The following IQCM variants were observed in gnomAD, a reference collection of about 807,000 sequenced individuals.
IQCM encodes the protein IQ domain-containing protein M.
A neutral mutation model predicts 57.6 loss-of-function variants in IQCM; 45 were observed. The observed-to-expected ratio is 0.78, with a 90% confidence interval of 0.62 to 1.00. The LOEUF is 1.00. Ranked by LOEUF, IQCM falls within the 50% of genes least tolerant of loss-of-function variation. The pLI is 0.00. For missense variants in IQCM, 468 were observed against 511.6 expected (o/e 0.91, Z 0.82); for synonymous variants, 148 against 158.9 (o/e 0.93, Z 0.51).
intron 9 of IQCM, among the ~76,000 whole-genome samples, chr4:149,582,561 G>C (rs998194517): frequency 1.3e-5 from 2 of 150,766 alleles, no homozygotes; most frequent in South Asian, 4.2e-4. Context: ...TGAATCCCTG[G>C]ATTTTGCAAA....
At chr4:149,770,974 G>T (rs1187291867) in intron 2 of IQCM, among the ~76,000 whole-genome samples, 3 of 151,952 alleles carry the variant, frequency 2.0e-5, no homozygotes, top group African/African-American at 7.2e-5. Context: ...ATCTGGACTG[G>T]CAAGGAAGGA....
At chr4:149,650,456 G>A (rs966986196) in intron 7 of IQCM, among the ~76,000 whole-genome samples, 2 of 146,920 alleles carry the variant, frequency 1.4e-5, no homozygotes, top group Admixed American at 1.4e-4. Flanking sequence ...GCAGTGGCGT[G>A]ATCTTGGTTC....
chr4:149,718,738 G>A (rs985162030), intron 5 of IQCM, among the ~76,000 whole-genome samples: 8 of 152,042 alleles, frequency 5.3e-5, no homozygotes, highest in Admixed American at 3.3e-4. Context: ...AGCTTCTGGC[G>A]ACTGCCAGAC....
chr4:149,701,185 G>A (rs1429507897), intron 5 of IQCM, among the ~76,000 whole-genome samples: 1 of 151,994 alleles, frequency 6.6e-6, no homozygotes, highest in African/African-American at 2.4e-5. Flanking sequence ...CTGGGATACT[G>A]TCTGAGGAAA....
At chr4:149,442,824 T>C (rs1482677335) in intron 12 of IQCM, among the ~76,000 whole-genome samples, 1 of 151,910 alleles carries the variant, frequency 6.6e-6, no homozygotes, top group Non-Finnish European at 1.5e-5. Flanking sequence ...GGCTCCTCAA[T>C]ATCGTAGCCT....
At chr4:149,580,960 A>G (rs990127675) in intron 9 of IQCM, among the ~76,000 whole-genome samples, 3 of 151,780 alleles carry the variant, frequency 2.0e-5, no homozygotes, top group African/African-American at 7.3e-5. Context: ...ACCCTGTTGA[A>G]TAAACTACAA....
intron 8 of IQCM, among the ~76,000 whole-genome samples, chr4:149,612,441 T>C (rs1039370602): frequency 2.0e-5 from 3 of 152,186 alleles, no homozygotes; most frequent in African/African-American, 7.2e-5. Context: ...TGTCACACTT[T>C]TAGACACAGA....
At chr4:149,522,805 G>T (rs1745788152) in intron 12 of IQCM, among the ~76,000 whole-genome samples, 1 of 152,112 alleles carries the variant, frequency 6.6e-6, no homozygotes, top group Non-Finnish European at 1.5e-5. Flanking sequence ...TGTACAAGTT[G>T]AAAGAATTTA....
intron 7 of IQCM, among the ~76,000 whole-genome samples, chr4:149,662,913 T>A (rs530461247): frequency 6.6e-6 from 1 of 152,124 alleles, no homozygotes; most frequent in South Asian, 2.1e-4. Flanking sequence ...TACATTATTA[T>A]TGATAGATAA....
At chr4:149,592,837 C>T (rs1037384619) in intron 8 of IQCM, among the ~76,000 whole-genome samples, 7 of 152,020 alleles carry the variant, frequency 4.6e-5, no homozygotes, top group Non-Finnish European at 8.8e-5. Flanking sequence ...GGTACCAGTA[C>T]CATGCTGTTT....
At chr4:149,590,247 C>CTTTTTTTTTTT (rs71596214) in intron 8 of IQCM, among the ~76,000 whole-genome samples, 71 of 73,624 alleles carry the variant, frequency 9.6e-4, no homozygotes, top group East Asian at 1.3e-3. Context: ...TTTTTCTTTC[C>CTTTTTTTTTTT]TTTTTTTTTT....
chr4:149,647,169 T>C (rs1758717072), intron 7 of IQCM, among the ~76,000 whole-genome samples: 1 of 152,256 alleles, frequency 6.6e-6, no homozygotes, highest in East Asian at 1.9e-4. Context: ...TACTAAAAAA[T>C]GCATACATAA....
intron 13 of IQCM, among the ~76,000 whole-genome samples, chr4:149,366,665 C>A (rs1358807781): frequency 6.6e-6 from 1 of 151,654 alleles, no homozygotes; most frequent in African/African-American, 2.4e-5. Context: ...TACATAACAG[C>A]ATGAAGAGCT....
chr4:149,477,445 A>G (rs889606184), intron 12 of IQCM, among the ~76,000 whole-genome samples: 1 of 152,156 alleles, frequency 6.6e-6, no homozygotes. Context: ...GTGAAAAACC[A>G]GGAGGTGAAT....
chr4:149,813,607 A>C (rs1774791226), intron 2 of IQCM, among the ~76,000 whole-genome samples: 1 of 152,086 alleles, frequency 6.6e-6, no homozygotes, highest in African/African-American at 2.4e-5. Context: ...TAAAATAAGG[A>C]GACTGGATAA....
chr4:149,440,156 C>A (rs757352510), intron 12 of IQCM, among the ~76,000 whole-genome samples: 55 of 113,394 alleles, frequency 4.9e-4, no homozygotes, highest in Non-Finnish European at 8.3e-4. Flanking sequence ...TTAGTAGAGA[C>A]GGGGTTTCTC....
At chr4:149,778,337 C>T (rs2150003440) in intron 2 of IQCM, among the ~76,000 whole-genome samples, 1 of 151,946 alleles carries the variant, frequency 6.6e-6, no homozygotes, top group South Asian at 2.1e-4. Context: ...GATGGCGCCA[C>T]TGCACTCCAG....
At chr4:149,485,004 CT>C (rs1317973532) in intron 12 of IQCM, among the ~76,000 whole-genome samples, 1 of 151,930 alleles carries the variant, frequency 6.6e-6, no homozygotes, top group African/African-American at 2.4e-5. Flanking sequence ...GTTTTTCTTT[CT>C]AACTTTAGCA....
intron 2 of IQCM, among the ~76,000 whole-genome samples, chr4:149,810,101 C>T (rs555628147): frequency 1.1e-4 from 17 of 152,050 alleles, no homozygotes; most frequent in South Asian, 1.0e-3. Context: ...TGTTAGAGTA[C>T]GGGCTGGACA....
Sources: allele counts gnomAD v4.1 joint callset (sites outside exome capture counted in the v4.1 genomes callset), GRCh38; gene constraint gnomAD v4.1.1; transcripts MANE v1.5; gene names NCBI Gene and HGNC (gene_info 2026-07-23, HGNC 2026-07-21).